Variants in COQ5 observed in about 807,000 individuals in gnomAD.
COQ5 encodes coenzyme Q5, methyltransferase.
Under a neutral mutation model 40.5 loss-of-function variants are expected in COQ5, and 27 were observed. The ratio of observed to expected loss-of-function variants is 0.67; its 90% CI spans 0.49 to 0.92. The LOEUF is 0.92. COQ5 is among the 40% of genes least tolerant of loss of function. The pLI, the probability that COQ5 is intolerant of heterozygous loss-of-function variation, is 0.00. For missense variants in COQ5, 409 were observed against 406.4 expected (o/e 1.01, Z -0.06); for synonymous variants, 141 against 150.0 (o/e 0.94, Z 0.44).
chr12:120,518,224 G>C (rs1277445795), intron 2 of COQ5, among the ~76,000 whole-genome samples: 1 of 152,076 alleles, frequency 6.6e-6, no homozygotes, highest in African/African-American at 2.4e-5. Flanking sequence ...CCAGAGGTTT[G>C]AGACCAGCCT....
rs539491459 is a variant in COQ5, at chr12:120,518,844, G to A, written c.353-2056C>T. Among the ~76,000 whole-genome samples the A allele has an allele frequency of 3.9e-3, 598 of 152,310 alleles. 8 individuals carry two copies. Among genetic ancestry groups the A allele is most frequent in the African/African-American group, 0.013 (554 of 41,576 alleles). The stretch of plus-strand genomic sequence containing the variant: ...TCCCAAATGCTGGGATTACAGGCGT[G>A]AGCCAACGTGCTCGGCCATATATTT... On this transcript the variant is annotated intron_variant, in intron 2 of 6. Coordinates refer to ENST00000288532, the MANE Select transcript of COQ5 (RefSeq NM_032314.4).
rs754638381 is a variant in COQ5 at position 120,503,744 on chromosome 12, A to G, written c.*40T>C. 2.7e-6 allele frequency: 4 copies of G among 1,464,504 alleles called. No individual in the cohort carries two copies. In the East Asian group the frequency reaches 9.1e-5, roughly 33 times the overall value. 90.7% of individuals were successfully genotyped at this position (1,464,504 alleles called of 1,614,324 possible). A position where few individuals can be genotyped will look rare whatever the true frequency, so the allele number is the denominator to read the frequency against. ...ATTATCCTTCAGTTCCAGGCTTTCAACAGGATATGACTGGTTCATGCTCCA... is the reference window on the plus strand; with the variant it reads ...ATTATCCTTCAGTTCCAGGCTTTCAGCAGGATATGACTGGTTCATGCTCCA... On this transcript the variant is annotated 3_prime_UTR_variant, in exon 7 of 7. Coordinates refer to ENST00000288532, the MANE Select transcript of COQ5 (RefSeq NM_032314.4).
chr12:120,526,237 CTCT>C (rs1869937181), intron 1 of COQ5, among the ~76,000 whole-genome samples: 1 of 152,186 alleles, frequency 6.6e-6, no homozygotes, highest in Non-Finnish European at 1.5e-5. Flanking sequence ...CTTGTATTGC[CTCT>C]TTATCTTTCA....
chr12:120,524,914 C>A (rs564316712), intron 1 of COQ5, among the ~76,000 whole-genome samples: 1 of 151,542 alleles, frequency 6.6e-6, no homozygotes, highest in African/African-American at 2.4e-5. Flanking sequence ...CGCCTCCCGG[C>A]AATTCTCCTG....
chr12:120,511,072 A>G (rs754684148), intron 3 of COQ5, among the ~76,000 whole-genome samples: 17 of 152,006 alleles, frequency 1.1e-4, no homozygotes, highest in Non-Finnish European at 2.2e-4. Context: ...AGATCGAAAC[A>G]TGGTGAAACC....
In COQ5 at chr12:120,526,698, A is replaced by ATTTTTTTTTTTTTT. The variant is rs61584250; in HGVS notation, c.202+2228_202+2241dup. Among the ~76,000 whole-genome samples, 56 of 64,150 alleles carry ATTTTTTTTTTTTTT rather than the reference A, an allele frequency of 8.7e-4. 8 individuals are homozygous for ATTTTTTTTTTTTTT. The highest frequency in any genetic ancestry group is 2.1e-3 in the African/African-American group (25 of 12,192). The allele number at this position is 64,150 out of a possible 152,430, so 42.1% of individuals were successfully genotyped here. ...AATAGTGCTCAAACTACTCTTGGCA[A>ATTTTTTTTTTTTTT]TTTTTTTTTTTTTTTTTTTTTTTTT... is the stretch of plus-strand genomic sequence containing the variant. On this transcript the variant is annotated intron_variant, in intron 1 of 6. Transcript: ENST00000288532.
chr12:120,508,018 G>T (rs534053358), intron 4 of COQ5, among the ~76,000 whole-genome samples: 2 of 151,904 alleles, frequency 1.3e-5, no homozygotes, highest in East Asian at 3.9e-4. Flanking sequence ...TATTTTTGAG[G>T]TGGAGTCTCA....
chr12:120,512,910 T>C (rs12813930), intron 3 of COQ5, among the ~76,000 whole-genome samples: 25,010 of 150,728 alleles, frequency 0.17, 2,834 homozygotes, highest in East Asian at 0.5. Flanking sequence ...ATACAAAAAT[T>C]AGCCAGGCAT....
Position 120,505,034 on chromosome 12 carries a change from A to G in COQ5, c.682-51T>C, listed in dbSNP as rs114398951. On this transcript the variant is annotated intron_variant, in intron 4 of 6. Coordinates refer to ENST00000288532, the MANE Select transcript of COQ5 (RefSeq NM_032314.4). Reference sequence around the variant, plus strand: ...CACACTCCTCAGTAGACCTCACTCAATTCCATGAGGCCAAGACAGCTTTAG... The same window carrying G: ...CACACTCCTCAGTAGACCTCACTCAGTTCCATGAGGCCAAGACAGCTTTAG... 3.9e-3 allele frequency: 5,706 copies of G among 1,445,378 alleles called. 172 individuals carry two copies. In the African/African-American group the frequency reaches 0.07, roughly 18 times the overall value. The allele number at this position is 1,445,378 out of a possible 1,614,324, so 89.5% of individuals were successfully genotyped here. A position where few individuals can be genotyped will look rare whatever the true frequency, so the allele number is the denominator to read the frequency against.
intron 2 of COQ5, 139 bp downstream of exon 2, chr12:120,522,075 C>T: frequency 1.3e-6 from 1 of 784,948 alleles, no homozygotes; most frequent in African/African-American, 1.7e-5. Context: ...TAAGTGCGTG[C>T]CTTTCTCAGA....
In COQ5 at chr12:120,516,663, C is replaced by G. The variant is rs1008567945; in HGVS notation, c.478G>C (p.Asp160His). The G allele has an allele frequency of 2.5e-6, 4 of 1,614,132 alleles. No homozygotes were observed. In the East Asian group the frequency reaches 8.9e-5, roughly 36 times the overall value. Reference sequence around the variant, plus strand: ...ACGACACGAGACCCGCCCAAGGAATCTTCTTCATTCTGGTACTCTTTGGCA... The same window carrying G: ...ACGACACGAGACCCGCCCAAGGAATGTTCTTCATTCTGGTACTCTTTGGCA... ...EIAKEYQNEE[D>H]SLGGSRVVVC... is the part of the protein sequence containing the mutation. The change falls in exon 3 of 7, where the codon GAT becomes CAT. Residue 160 changes from aspartate (D) to histidine (H), a missense_variant. Physicochemically the swap from Asp to His is moderately conservative, Grantham distance 81. Transcript: ENST00000288532.
At chr12:120,518,551 T>C (rs1433278300) in intron 2 of COQ5, among the ~76,000 whole-genome samples, 1 of 151,728 alleles carries the variant, frequency 6.6e-6, no homozygotes, top group African/African-American at 2.4e-5. Context: ...TCTCCAGTCA[T>C]TTTTTATTTT....
At chr12:120,521,488 C>G (rs920282862) in intron 2 of COQ5, among the ~76,000 whole-genome samples, 7 of 150,676 alleles carry the variant, frequency 4.6e-5, no homozygotes, top group African/African-American at 1.5e-4. Flanking sequence ...CCAGCCAGGC[C>G]AAGATGGTGG....
rs778497588 is a variant in COQ5, at chr12:120,516,713, T to C, written c.428A>G (p.Gln143Arg). The change falls in exon 3 of 7, where the codon CAA (glutamine) becomes CGA (arginine). Residue 143 changes from glutamine to arginine, a missense_variant. Physicochemically the swap from Gln to Arg is conservative, Grantham distance 43. Coordinates refer to ENST00000288532, the MANE Select transcript of COQ5 (RefSeq NM_032314.4). ...QRKQKRQLRA[Q>R]QNLSWEEIAK... ...AATTTCTTCCCAGGATAAATTTTGTTGGGCCCTTAACTGCCTCTTCTGTTT... is the reference window on the plus strand; with the variant it reads ...AATTTCTTCCCAGGATAAATTTTGTCGGGCCCTTAACTGCCTCTTCTGTTT... 2.5e-6 allele frequency: 4 copies of C among 1,614,222 alleles called. No homozygotes were observed. The highest frequency in any genetic ancestry group is 1.7e-6 in the Non-Finnish European group (2 of 1,180,034).
intron 3 of COQ5, among the ~76,000 whole-genome samples, chr12:120,514,646 G>A (rs1030352178): frequency 6.6e-6 from 1 of 151,852 alleles, no homozygotes; most frequent in African/African-American, 2.4e-5. Flanking sequence ...GGGAGGCTGA[G>A]GCACAAGAAT....
Position 120,516,566 on chromosome 12 carries a change from C to T in COQ5, c.574+1G>A. ...CTGTGTCTGCCTTCTGCAGGACTCA[C>T]CAGCTCTGTATCCTTGAGCCAAGGC... On this transcript the variant is annotated splice_donor_variant, in intron 3 of 6. Transcript: ENST00000288532. LOFTEE classifies it high-confidence loss of function. 6.2e-7 allele frequency: 1 copy of T among 1,610,590 alleles called. No individual in the cohort carries two copies. Among genetic ancestry groups the T allele is most frequent in the African/African-American group, 1.3e-5 (1 of 74,974 alleles).
intron 4 of COQ5, 152 bp downstream of exon 4, chr12:120,509,865 T>A (rs749970853): frequency 1.9e-4 from 128 of 673,150 alleles, no homozygotes; most frequent in Non-Finnish European, 3.2e-4. Context: ...GTGGAAGGAC[T>A]GCTTGAGCCC....
At chr12:120,524,866 T>A (rs1211119454) in intron 1 of COQ5, among the ~76,000 whole-genome samples, 4 of 152,176 alleles carry the variant, frequency 2.6e-5, no homozygotes, top group Middle Eastern at 6.8e-3. Context: ...TCACCCAGGC[T>A]GGAGTGCAGT....
intron 1 of COQ5, chr12:120,526,682 C>G (rs1340164435): frequency 5.1e-6 from 1 of 195,724 alleles, no homozygotes; most frequent in Non-Finnish European, 1.0e-5. Context: ...AAATAGTGCT[C>G]AAACTACTCT....
Sources: allele counts gnomAD v4.1 joint callset (sites outside exome capture counted in the v4.1 genomes callset), GRCh38; gene constraint gnomAD v4.1.1; transcripts MANE v1.5; gene names NCBI Gene and HGNC (gene_info 2026-07-23, HGNC 2026-07-21).